CCT2: variants seen among roughly 807,000 people sequenced by gnomAD.
CCT2 encodes the protein T-complex protein 1 subunit beta.
CCT2 carries 18 observed loss-of-function variants against 61.8 expected under a neutral mutation model. That is an observed-to-expected ratio of 0.29 (90% CI 0.20 to 0.43). The LOEUF (loss-of-function observed/expected upper bound fraction) is 0.43. Among genes scored for constraint, CCT2 ranks in the 20% least tolerant of loss-of-function variants. The probability of loss-of-function intolerance (pLI) is 1.00; values close to 1 mark genes in which losing one functional copy is unlikely to be tolerated. For synonymous variants in CCT2, 248 were observed against 215.9 expected (o/e 1.15, Z -1.30); for missense variants, 556 against 656.9 (o/e 0.85, Z 1.68).
chr12:69,589,282 CT>C (rs3841585), intron 6 of CCT2: 6,205 of 537,022 alleles, frequency 0.012, 107 homozygotes, highest in African/African-American at 0.059. Context: ...CCCCACCCCT[CT>C]TTTTTTTTTG....
Position 69,597,071 on chromosome 12 carries a change from A to G in CCT2, c.983-85A>G, listed in dbSNP as rs1408550740. On this transcript the variant is annotated intron_variant, in intron 10 of 15. Transcript: ENST00000299300. ...TTTTAAAATGTGAAACACATTACCTATCATTATCTATCCATTACTGCTTAT... is the reference window on the plus strand; with the variant it reads ...TTTTAAAATGTGAAACACATTACCTGTCATTATCTATCCATTACTGCTTAT... 5.6e-6 allele frequency: 7 copies of G among 1,240,940 alleles called. No homozygotes were observed. The African/African-American group carries it at 7.5e-5, about 13-fold the overall frequency. The allele number at this position is 1,240,940 out of a possible 1,614,324, so 76.9% of individuals were successfully genotyped here.
At chr12:69,597,857 A>C in intron 12 of CCT2, 91 bp downstream of exon 12, 1 of 1,418,990 alleles carries the variant, frequency 7.0e-7, no homozygotes, top group South Asian at 1.3e-5. Flanking sequence ...CAGAAATCTT[A>C]TATTGCTTTT....
chr12:69,596,136 T>C (rs1202512627), intron 10 of CCT2, among the ~76,000 whole-genome samples: 1 of 152,240 alleles, frequency 6.6e-6, no homozygotes, highest in African/African-American at 2.4e-5. Context: ...GCCAAGTTAG[T>C]CTTATTTTTG....
intron 10 of CCT2, among the ~76,000 whole-genome samples, chr12:69,596,217 A>G (rs1056421336): frequency 5.9e-5 from 9 of 151,544 alleles, no homozygotes; most frequent in African/African-American, 1.9e-4. Context: ...TTTGCCAGCC[A>G]AAAGTAAAAA....
chr12:69,591,787 C>T (rs142421463), intron 7 of CCT2, among the ~76,000 whole-genome samples: 41 of 152,202 alleles, frequency 2.7e-4, no homozygotes, highest in Non-Finnish European at 4.0e-4. Flanking sequence ...CTGGTTGGGT[C>T]GGTAAAGCCC....
intron 10 of CCT2, among the ~76,000 whole-genome samples, chr12:69,595,755 G>A (rs1027406287): frequency 2.0e-5 from 3 of 150,840 alleles, no homozygotes; most frequent in Non-Finnish European, 4.4e-5. Flanking sequence ...TAAACATATC[G>A]TAAGGTCTTG....
In CCT2 at chr12:69,589,501, T is replaced by C. The variant is rs1881770659; in HGVS notation, c.463T>C (p.Phe155Leu). ...AVDHGSDEVK[F>L]RQDLMNIAGT... The stretch of plus-strand genomic sequence containing the variant: ...TTTATTTAGTTCCGATGAAGTTAAA[T>C]TCCGTCAAGATTTAATGAATATTGC... Residue 155 changes from phenylalanine (F) to leucine (L), a missense_variant, in exon 7 of 16, where the codon TTC becomes CTC. Physicochemically the swap from Phe to Leu is conservative, Grantham distance 22. Coordinates refer to ENST00000299300, the MANE Select transcript of CCT2 (RefSeq NM_006431.3). 1 of 1,613,912 alleles carries C rather than the reference T, an allele frequency of 6.2e-7. No homozygotes were observed. The highest frequency in any genetic ancestry group is 1.3e-5 in the African/African-American group (1 of 74,936).
intron 3 of CCT2, among the ~76,000 whole-genome samples, 174 bp from the exon 4 acceptor site, chr12:69,587,331 G>A (rs11177732): frequency 0.18 from 27,809 of 152,110 alleles, 2,801 homozygotes; most frequent in Middle Eastern, 0.3. Context: ...GTTTCTAGGG[G>A]TAGATACATG....
chr12:69,585,903 G>C, intron 1 of CCT2: 1 of 1,273,742 alleles, frequency 7.9e-7, no homozygotes, highest in Non-Finnish European at 9.9e-7. Flanking sequence ...CCTTCCGAGG[G>C]TGGAAGATGG....
At position 69,601,520 on chromosome 12, in the gene CCT2, A is replaced by G. The variant is rs1435695216; in HGVS notation, c.*195A>G. 2.8e-6 allele frequency: 4 copies of G among 1,426,606 alleles called. No homozygotes were observed. In the East Asian group the frequency reaches 1.0e-4, roughly 37 times the overall value. 88.4% of individuals were successfully genotyped at this position (1,426,606 alleles called of 1,614,324 possible). On this transcript the variant is annotated 3_prime_UTR_variant, in exon 16 of 16. Transcript: ENST00000299300. ...ATTTTCCATACAAATCAGTTGATTT[A>G]AAAAAGTTCATTTCTCATACTGTGC...
intron 7 of CCT2, 172 bp downstream of exon 7, chr12:69,589,859 C>G: frequency 1.7e-6 from 1 of 601,228 alleles, no homozygotes; most frequent in Non-Finnish European, 2.9e-6. Flanking sequence ...CTCCTCTTCC[C>G]GCGCTATTCC....
At chr12:69,588,789 G>A (rs1881746098) in intron 6 of CCT2, among the ~76,000 whole-genome samples, 1 of 152,248 alleles carries the variant, frequency 6.6e-6, no homozygotes, top group African/African-American at 2.4e-5. Flanking sequence ...CACAGCAGGT[G>A]AGCAGCAGGT....
At position 69,585,518 on chromosome 12, in the gene CCT2, A is replaced by C; in HGVS notation, c.-4A>C. 1 of 1,569,206 alleles carries C rather than the reference A, an allele frequency of 6.4e-7. No homozygotes were observed. Among genetic ancestry groups the C allele is most frequent in the Non-Finnish European group, 8.6e-7 (1 of 1,156,200 alleles). ...TTCACTTGTGTGCGGAACTCCTCGG[A>C]ACCATGGTGAGCCTGACTCCCCTGC... On this transcript the variant is annotated 5_prime_UTR_variant, in exon 1 of 16. Transcript: ENST00000299300.
intron 10 of CCT2, among the ~76,000 whole-genome samples, chr12:69,596,694 C>T (rs939990976): frequency 5.3e-5 from 8 of 152,082 alleles, no homozygotes; most frequent in African/African-American, 1.9e-4. Context: ...ATTTTCATGT[C>T]TTGTGCTGGG....
chr12:69,599,854 T>C lies in CCT2; in HGVS notation c.1436-9T>C, dbSNP rs1330516153. The C allele has an allele frequency of 6.3e-7, 1 of 1,596,718 alleles. No individual in the cohort carries two copies. The highest frequency in any genetic ancestry group is 1.8e-5 in the Admixed American group (1 of 55,710). ...AACTGCTTTTTAGTAAATTTGTTTT[T>C]CTTTGCAGATATGAGGGAAGGCACC... On this transcript the variant is annotated splice_polypyrimidine_tract_variant and intron_variant, in intron 14 of 15. Coordinates refer to ENST00000299300, the MANE Select transcript of CCT2 (RefSeq NM_006431.3).
Position 69,593,114 on chromosome 12 carries a change from G to C in CCT2, c.878+11G>C. 6.2e-7 allele frequency: 1 copy of C among 1,601,222 alleles called. No individual in the cohort carries two copies. Among genetic ancestry groups the C allele is most frequent in the South Asian group, 1.1e-5 (1 of 88,730 alleles). ...TTGCTTTATTAACAGGTCTGTGTTT[G>C]CTTTTAAGAAAGGATTTTTTTCCAT... On this transcript the variant is annotated intron_variant, in intron 9 of 15. Transcript: ENST00000299300.
intron 1 of CCT2, chr12:69,585,908 A>G: frequency 1.1e-5 from 14 of 1,277,332 alleles, no homozygotes; most frequent in Non-Finnish European, 1.4e-5. Flanking sequence ...CGAGGGTGGA[A>G]GATGGAGGCC....
chr12:69,600,353 A>G (rs532771592), intron 15 of CCT2, among the ~76,000 whole-genome samples: 1 of 152,216 alleles, frequency 6.6e-6, no homozygotes, highest in Non-Finnish European at 1.5e-5. Context: ...GGGCAAGGTC[A>G]TATAGCCACA....
At chr12:69,587,443 T>A in intron 3 of CCT2, 62 bp from the exon 4 acceptor site, 1 of 910,362 alleles carries the variant, frequency 1.1e-6, no homozygotes, top group South Asian at 1.4e-5. Flanking sequence ...GAATACTGAT[T>A]GATCCATGCA....
Sources: allele counts gnomAD v4.1 joint callset (sites outside exome capture counted in the v4.1 genomes callset), GRCh38; gene constraint gnomAD v4.1.1; transcripts MANE v1.5; gene names NCBI Gene and HGNC (gene_info 2026-07-23, HGNC 2026-07-21).